SORCS1: variants seen among roughly 807,000 people sequenced by gnomAD.
SORCS1 encodes the protein sortilin related VPS10 domain containing receptor 1.
A neutral mutation model predicts 146.1 loss-of-function variants in SORCS1; 60 were observed. The observed-to-expected ratio is 0.41, with a 90% CI of 0.33 to 0.51. SORCS1 has a LOEUF of 0.51. Ranked by LOEUF, SORCS1 falls within the 20% of genes least tolerant of loss-of-function variation. The probability of loss-of-function intolerance (pLI) is 0.21; values close to 1 mark genes in which losing one functional copy is unlikely to be tolerated. For synonymous variants in SORCS1, 637 were observed against 584.0 expected (o/e 1.09, Z -1.31); for missense variants, 1,352 against 1,487.6 (o/e 0.91, Z 1.50).
intron 2 of SORCS1, among the ~76,000 whole-genome samples, chr10:106,868,048 A>G (rs1950282328): frequency 6.6e-6 from 1 of 152,264 alleles, no homozygotes; most frequent in African/African-American, 2.4e-5. Flanking sequence ...AGATATTGCT[A>G]TCCTAATTTC....
chr10:107,015,902 G>T (rs1174277363), intron 1 of SORCS1, among the ~76,000 whole-genome samples: 1 of 152,152 alleles, frequency 6.6e-6, no homozygotes, highest in Non-Finnish European at 1.5e-5. Context: ...GGATGATGGG[G>T]ACACTAAAAT....
intron 1 of SORCS1, among the ~76,000 whole-genome samples, chr10:107,074,513 A>T (rs770329512): frequency 1.3e-5 from 2 of 152,192 alleles, no homozygotes; most frequent in Non-Finnish European, 1.5e-5. Flanking sequence ...ACAGTGGTGT[A>T]CAAGTTTTCG....
At chr10:106,885,289 G>A (rs1225734800) in intron 2 of SORCS1, among the ~76,000 whole-genome samples, 3 of 149,030 alleles carry the variant, frequency 2.0e-5, no homozygotes, top group East Asian at 4.1e-4. Flanking sequence ...GAAAATTGGG[G>A]GGGGGGAACT....
chr10:106,921,766 G>C (rs1332686262), intron 2 of SORCS1, among the ~76,000 whole-genome samples: 3 of 152,172 alleles, frequency 2.0e-5, no homozygotes, highest in African/African-American at 7.2e-5. Flanking sequence ...TAAGGGTCCA[G>C]TGCCCCAAAA....
At chr10:107,039,177 A>T (rs1055732561) in intron 1 of SORCS1, among the ~76,000 whole-genome samples, 10 of 152,018 alleles carry the variant, frequency 6.6e-5, no homozygotes, top group Admixed American at 6.5e-4. Context: ...AAATACAAAA[A>T]AATAGCCGGG....
chr10:106,995,016 A>G (rs1191774237), intron 1 of SORCS1, among the ~76,000 whole-genome samples: 1 of 152,152 alleles, frequency 6.6e-6, no homozygotes, highest in Non-Finnish European at 1.5e-5. Context: ...TAGCAGTTAA[A>G]AAGTAAGAAC....
intron 4 of SORCS1, among the ~76,000 whole-genome samples, chr10:106,771,167 C>A (rs569970690): frequency 6.6e-6 from 1 of 152,316 alleles, no homozygotes; most frequent in East Asian, 1.9e-4. Flanking sequence ...GCCCTTACCC[C>A]GGCATAGACA....
intron 6 of SORCS1, among the ~76,000 whole-genome samples, chr10:106,724,926 G>T (rs1339748934): frequency 6.6e-6 from 1 of 152,044 alleles, no homozygotes; most frequent in Non-Finnish European, 1.5e-5. Context: ...GATCACTTGA[G>T]GTCAGGAGTT....
intron 1 of SORCS1, among the ~76,000 whole-genome samples, chr10:106,975,078 G>C (rs187172448): frequency 6.6e-6 from 1 of 152,274 alleles, no homozygotes; most frequent in Non-Finnish European, 1.5e-5. Context: ...ACATCTGGAG[G>C]AAAAGCAAAA....
At chr10:106,819,461 C>A (rs529723041) in intron 3 of SORCS1, among the ~76,000 whole-genome samples, 1 of 152,108 alleles carries the variant, frequency 6.6e-6, no homozygotes, top group Non-Finnish European at 1.5e-5. Context: ...AGTGTATCTC[C>A]GCAGTGACAG....
chr10:106,664,895 C>A lies in SORCS1; in HGVS notation c.2303+2794G>T, dbSNP rs140735688. On this transcript the variant is annotated intron_variant, in intron 17 of 25. Transcript: ENST00000263054. ...TTACAGTATCTAAACATGCTAGTAC[C>A]AGCAAGTAATAAAACTCCTGTCTTT... Among the ~76,000 whole-genome samples, 4 of 152,184 alleles carry A rather than the reference C, an allele frequency of 2.6e-5. No homozygotes were observed. In the East Asian group the frequency reaches 7.7e-4, roughly 29 times the overall value.
intron 2 of SORCS1, among the ~76,000 whole-genome samples, chr10:106,843,625 C>T (rs1184375646): frequency 6.6e-6 from 1 of 151,912 alleles, no homozygotes; most frequent in Non-Finnish European, 1.5e-5. Context: ...TTAGTAGAGA[C>T]GGGATTTCAC....
chr10:106,829,790 G>A, intron 2 of SORCS1, 117 bp from the exon 3 acceptor site: 1 of 643,838 alleles, frequency 1.6e-6, no homozygotes, highest in South Asian at 2.3e-5. Flanking sequence ...AATGATTCAT[G>A]TAGTATATAA....
intron 1 of SORCS1, among the ~76,000 whole-genome samples, chr10:107,160,699 A>G (rs72814922): frequency 0.016 from 2,486 of 152,312 alleles, 43 homozygotes; most frequent in South Asian, 0.03. Flanking sequence ...TTGAAATACT[A>G]AACTTAACTC....
intron 5 of SORCS1, among the ~76,000 whole-genome samples, chr10:106,741,245 C>T (rs1455395453): frequency 6.6e-6 from 1 of 151,796 alleles, no homozygotes; most frequent in Non-Finnish European, 1.5e-5. Context: ...AAAATTACCC[C>T]TTAGTGTCTG....
intron 1 of SORCS1, among the ~76,000 whole-genome samples, chr10:107,077,042 C>A (rs1347301979): frequency 1.3e-5 from 2 of 152,118 alleles, no homozygotes; most frequent in Non-Finnish European, 2.9e-5. Context: ...AATGACTCTA[C>A]CTCGGAGGGA....
chr10:106,601,822 C>T (rs575037360), intron 23 of SORCS1, among the ~76,000 whole-genome samples: 2 of 152,296 alleles, frequency 1.3e-5, no homozygotes, highest in East Asian at 3.9e-4. Flanking sequence ...CTACAATGTG[C>T]ATTTGAATAC....
the SORCS1 span, among the ~76,000 whole-genome samples, chr10:107,175,032 G>T: frequency 6.6e-6 from 1 of 152,088 alleles, no homozygotes; most frequent in South Asian, 2.1e-4. Flanking sequence ...ATATGGTCAC[G>T]TTTTTCTCCT....
chr10:106,987,388 T>TG (rs1956528594), intron 1 of SORCS1, among the ~76,000 whole-genome samples: 1 of 152,332 alleles, frequency 6.6e-6, no homozygotes, highest in East Asian at 1.9e-4. Flanking sequence ...AGTTTCTACC[T>TG]GCTCCTTAGA....
Sources: gnomAD v4.1 joint callset for allele counts (sites outside exome capture counted in the v4.1 genomes callset) on GRCh38, gnomAD v4.1.1 for gene constraint, MANE v1.5 for transcripts, NCBI Gene and HGNC (gene_info 2026-07-23, HGNC 2026-07-21) for gene names.